Variants in NHSL1 observed in about 807,000 individuals in gnomAD.
NHSL1 encodes the protein NHS-like protein 1.
In NHSL1, 48 loss-of-function variants were observed where a neutral mutation model predicts 95.0. The observed-to-expected ratio is 0.51, with a 90% CI of 0.40 to 0.64. The LOEUF (loss-of-function observed/expected upper bound fraction) is 0.64. Among genes scored for constraint, NHSL1 ranks in the 30% least tolerant of loss-of-function variants. The probability of loss-of-function intolerance (pLI) is 0.00; values close to 1 mark genes in which losing one functional copy is unlikely to be tolerated. For synonymous variants in NHSL1, 783 were observed against 833.9 expected (o/e 0.94, Z 1.05); for missense variants, 1,971 against 2,077.7 (o/e 0.95, Z 1.00).
chr6:138,543,831 T>C (rs1216582829), intron 1 of NHSL1, among the ~76,000 whole-genome samples: 5 of 152,300 alleles, frequency 3.3e-5, no homozygotes, highest in South Asian at 2.1e-4. Context: ...AGGAAGAAAG[T>C]AGAATGTCAA....
chr6:138,489,825 G>GGAGAGAGA lies in NHSL1; in HGVS notation c.211+6386_211+6393dup, dbSNP rs1252989861. ...AAGAGAGAGGGAGAGAGGGAGAGAG[G>GGAGAGAGA]GAGAGAGAGAGAGAGAGAGGGAGAG... is the stretch of plus-strand genomic sequence containing the variant. On this transcript the variant is annotated intron_variant, in intron 2 of 7. Transcript: ENST00000343505. 2.2e-4 allele frequency among the ~76,000 whole-genome samples: 17 copies of GGAGAGAGA among 76,210 alleles called. 1 individual carries two copies. The South Asian group carries it at 3.6e-3, about 16-fold the overall frequency. The allele number at this position is 76,210 out of a possible 152,430, so 50.0% of individuals were successfully genotyped here.
Position 138,424,473 on chromosome 6 carries a change from C to T in NHSL1, c.4429G>A (p.Glu1477Lys). 1.3e-6 allele frequency: 2 copies of T among 1,551,586 alleles called. No individual in the cohort carries two copies. The highest frequency in any genetic ancestry group is 1.7e-6 in the Non-Finnish European group (2 of 1,146,962). Reference sequence around the variant, plus strand: ...AAGCCTTCGTTCTTGGCCCACTCCTCCTGCGCCCTTCTGTTCTTGCTTGGG... The same window carrying T: ...AAGCCTTCGTTCTTGGCCCACTCCTTCTGCGCCCTTCTGTTCTTGCTTGGG... ...CSPSKNRRAQ[E>K]EWAKNEGLMP... Residue 1477 changes from glutamate to lysine, a missense_variant, in exon 8 of 8, where the codon GAG becomes AAG. Glu to Lys is a moderately conservative substitution (Grantham distance 56). Around this residue, in one of 3 missense-constraint regions of NHSL1, gnomAD observed 223 missense variants for 217.0 expected, o/e 1.03. Coordinates refer to ENST00000343505, the MANE Select transcript of NHSL1 (RefSeq NM_001144060.2). This position sits in a 1 kb window ranked among gnomAD's most constrained non-coding sequence, Gnocchi z 5.9.
At chr6:138,630,207 C>T (rs1337496164) in intron 1 of NHSL1, among the ~76,000 whole-genome samples, 2 of 151,652 alleles carry the variant, frequency 1.3e-5, no homozygotes, top group African/African-American at 4.9e-5. Context: ...ACCTTGTCTC[C>T]CCGCCCACTC....
chr6:138,442,553 GA>G (rs1280673139), intron 4 of NHSL1, among the ~76,000 whole-genome samples: 28 of 152,318 alleles, frequency 1.8e-4, no homozygotes, highest in African/African-American at 6.5e-4. Flanking sequence ...CTTGTGTGAT[GA>G]AATAAGTAAC....
chr6:138,645,325 C>A (rs1785003358), intron 1 of NHSL1, among the ~76,000 whole-genome samples: 1 of 152,124 alleles, frequency 6.6e-6, no homozygotes, highest in South Asian at 2.1e-4. Flanking sequence ...CACAAAGGTT[C>A]TCCGGCTCCT....
chr6:138,473,416 G>A lies in NHSL1; in HGVS notation c.229C>T (p.His77Tyr), dbSNP rs1583252097. Reference sequence around the variant, plus strand: ...TACTGAGAACTGCGGTAGCCATCATGCCGCAACTTATCGCATTCTGCAGAG... The same window carrying A: ...TACTGAGAACTGCGGTAGCCATCATACCGCAACTTATCGCATTCTGCAGAG... ...SVLRECDKLR[H>Y]DGYRSSQYYS... The change falls in exon 3 of 8, where the codon CAT becomes TAT. Residue 77 changes from histidine (H) to tyrosine (Y), a missense_variant. Physicochemically the swap from His to Tyr is moderately conservative, Grantham distance 83 (BLOSUM62 2). Transcript: ENST00000343505. 1 of 1,509,454 alleles carries A rather than the reference G, an allele frequency of 6.6e-7. No homozygotes were observed. The highest frequency in any genetic ancestry group is 8.9e-7 in the Non-Finnish European group (1 of 1,125,856). 93.5% of individuals were successfully genotyped at this position (1,509,454 alleles called of 1,614,324 possible).
chr6:138,634,450 A>G (rs1417095303), intron 1 of NHSL1, among the ~76,000 whole-genome samples: 2 of 152,224 alleles, frequency 1.3e-5, no homozygotes, highest in Admixed American at 1.3e-4. Flanking sequence ...GACAAAAACT[A>G]TAAGAGACAA....
chr6:138,625,736 G>A (rs780624826), intron 1 of NHSL1, among the ~76,000 whole-genome samples: 89 of 151,234 alleles, frequency 5.9e-4, no homozygotes, highest in African/African-American at 1.9e-3. Flanking sequence ...CTAAAACTCC[G>A]GGGCTCAAGA....
intron 3 of NHSL1, among the ~76,000 whole-genome samples, chr6:138,470,169 A>G (rs1778659222): frequency 6.6e-6 from 1 of 152,218 alleles, no homozygotes. Context: ...TTTTTCTAAT[A>G]TACTTCAACT....
chr6:138,571,995 C>A, exon 1 of NHSL1: 1 of 1,115,448 alleles, frequency 9.0e-7, no homozygotes, highest in South Asian at 1.5e-5. Flanking sequence ...GTCCTCTCCA[C>A]GAGCCTGCTG....
chr6:138,488,629 A>T (rs1779859318), intron 2 of NHSL1, among the ~76,000 whole-genome samples: 1 of 152,224 alleles, frequency 6.6e-6, no homozygotes, highest in South Asian at 2.1e-4. Flanking sequence ...ATCAGGGGTG[A>T]GTGAGGAGAC....
Position 138,447,061 on chromosome 6 carries a change from C to T in NHSL1, c.472G>A (p.Glu158Lys), listed in dbSNP as rs1034380727. ...GTTTGGGCTTGCTGTCGCATCTTCT[C>T]TTCTGGTGTTGGCAGTGGAAGCGAC... ...TKSLPLPTPE[E>K]KMRQQAQTVQ... The change falls in exon 4 of 8, where the codon GAG becomes AAG. Residue 158 changes from glutamate (E) to lysine (K), a missense_variant. Coordinates refer to ENST00000343505, the MANE Select transcript of NHSL1 (RefSeq NM_001144060.2). The T allele has an allele frequency of 1.9e-6, 3 of 1,551,638 alleles. No homozygotes were observed. Among genetic ancestry groups the T allele is most frequent in the African/African-American group, 2.7e-5 (2 of 73,062 alleles).
chr6:138,499,366 C>T lies in NHSL1; in HGVS notation c.-76G>A. 6.5e-7 allele frequency: 1 copy of T among 1,533,116 alleles called. No individual in the cohort carries two copies. Among genetic ancestry groups the T allele is most frequent in the South Asian group, 1.2e-5 (1 of 82,596 alleles). 95.0% of individuals were successfully genotyped at this position (1,533,116 alleles called of 1,614,324 possible). A position where few individuals can be genotyped will look rare whatever the true frequency, so the allele number is the denominator to read the frequency against. On this transcript the variant is annotated 5_prime_UTR_variant, in exon 1 of 8. Coordinates refer to ENST00000343505, the MANE Select transcript of NHSL1 (RefSeq NM_001144060.2). Reference sequence around the variant, plus strand: ...AGCCCAGTAGGCAGGTGGCAAGCTTCGTCCTTCTGCTACAGATTCTAACTT... The same window carrying T: ...AGCCCAGTAGGCAGGTGGCAAGCTTTGTCCTTCTGCTACAGATTCTAACTT...
At chr6:138,553,450 C>T (rs1309489598) in intron 1 of NHSL1, among the ~76,000 whole-genome samples, 3 of 152,200 alleles carry the variant, frequency 2.0e-5, no homozygotes, top group Non-Finnish European at 4.4e-5. Flanking sequence ...GCCCACCCAA[C>T]GTGAGTGATC....
chr6:138,664,275 G>A (rs1249724969), intron 1 of NHSL1, among the ~76,000 whole-genome samples: 1 of 152,196 alleles, frequency 6.6e-6, no homozygotes, highest in Non-Finnish European at 1.5e-5. Flanking sequence ...AGTTAGATCA[G>A]AGCTAATCTT....
chr6:138,466,480 T>C (rs1323314476), intron 3 of NHSL1, among the ~76,000 whole-genome samples: 2 of 152,238 alleles, frequency 1.3e-5, no homozygotes, highest in Non-Finnish European at 1.5e-5. Flanking sequence ...CCCAATCACC[T>C]CTATGCTGAG....
At chr6:138,468,025 G>C (rs1318162048) in intron 3 of NHSL1, among the ~76,000 whole-genome samples, 2 of 152,162 alleles carry the variant, frequency 1.3e-5, no homozygotes, top group African/African-American at 4.8e-5. Context: ...TGGGATTACA[G>C]GTGTGAGCCA....
In NHSL1 at chr6:138,432,062, C is replaced by T; in HGVS notation, c.2283G>A (p.Gly761=). 1 of 1,551,708 alleles carries T rather than the reference C, an allele frequency of 6.4e-7. No individual in the cohort carries two copies. Among genetic ancestry groups the T allele is most frequent in the Non-Finnish European group, 8.7e-7 (1 of 1,146,982 alleles). Residue 761 remains glycine, a synonymous_variant, in exon 6 of 8, where the codon GGG becomes GGA. Coordinates refer to ENST00000343505, the MANE Select transcript of NHSL1 (RefSeq NM_001144060.2). This position sits in a 1 kb window ranked among gnomAD's most constrained non-coding sequence, Gnocchi z 4.4. ...ATTPNVYSLC[G]ATPSQSDTSS... is the part of the protein sequence containing the mutation. ...TTGTGTCACTCTGCGATGGCGTGGC[C>T]CCGCACAGGGAGTAGACATTGGGGG...
At chr6:138,690,697 C>T (rs1174211528) in intron 1 of NHSL1, among the ~76,000 whole-genome samples, 4 of 152,092 alleles carry the variant, frequency 2.6e-5, no homozygotes, top group African/African-American at 9.7e-5. Context: ...GCTGAGATTG[C>T]ACCACAGCAC....
Sources: gnomAD v4.1 joint callset for allele counts (sites outside exome capture counted in the v4.1 genomes callset) on GRCh38, gnomAD v4.1.1 for gene constraint, gnomAD v4.1.1 regional missense constraint, Gnocchi (gnomAD v3.1) non-coding constraint, MANE v1.5 for transcripts, NCBI Gene and HGNC (gene_info 2026-07-23, HGNC 2026-07-21) for gene names.